SEC14L1: variants seen among roughly 807,000 people sequenced by gnomAD.
SEC14L1 encodes the protein SEC14 like lipid binding 1.
SEC14L1 carries 48 observed loss-of-function variants against 85.3 expected under a neutral mutation model. The observed-to-expected ratio is 0.56, with a 90% CI of 0.45 to 0.72. The LOEUF (loss-of-function observed/expected upper bound fraction) is 0.72. Among genes scored for constraint, SEC14L1 ranks in the 30% least tolerant of loss-of-function variants. The pLI, the probability that SEC14L1 is intolerant of heterozygous loss-of-function variation, is 0.00. For synonymous variants in SEC14L1, 391 were observed against 355.5 expected (o/e 1.10, Z -1.12); for missense variants, 682 against 921.4 (o/e 0.74, Z 3.36).
At chr17:77,135,740 T>C (rs1299452391) in intron 3 of SEC14L1, among the ~76,000 whole-genome samples, 3 of 152,114 alleles carry the variant, frequency 2.0e-5, no homozygotes, top group African/African-American at 7.2e-5. Context: ...GGGGTCTTGC[T>C]ATGTTGTCCA....
At chr17:77,140,869 C>T (rs1972971665), upstream of SEC14L1, 1 of 151,646 alleles carries the variant, frequency 6.6e-6, no homozygotes. Context: ...CCCCCGCTCC[C>T]TCGGCCGCGG....
At chr17:77,200,759 G>C in intron 9 of SEC14L1, 86 bp downstream of exon 9, 1 of 1,401,240 alleles carries the variant, frequency 7.1e-7, no homozygotes. Flanking sequence ...CCCTGGAGTT[G>C]AGTGGGGCCC....
intron 3 of SEC14L1, among the ~76,000 whole-genome samples, chr17:77,161,234 C>A (rs1974039350): frequency 6.6e-6 from 1 of 152,222 alleles, no homozygotes; most frequent in Admixed American, 6.5e-5. Context: ...CGCCTATAAT[C>A]CCAGTCCTTT....
intron 3 of SEC14L1, among the ~76,000 whole-genome samples, chr17:77,119,183 C>A (rs1458010624): frequency 1.3e-5 from 2 of 151,900 alleles, no homozygotes. Context: ...GGGCATGCGC[C>A]TCTAATCTCA....
At position 77,191,334 on chromosome 17, in the gene SEC14L1, G is replaced by A. The variant is rs201830390; in HGVS notation, c.345+22G>A. 1.9e-5 allele frequency: 30 copies of A among 1,612,598 alleles called. No homozygotes were observed. In the East Asian group the frequency reaches 5.1e-4, roughly 28 times the overall value. ...CACCGTGAGTAATCTGTCACTCGGC[G>A]GAAGATGTTCTGCCGACATATGGCT... On this transcript the variant is annotated intron_variant, in intron 5 of 16. Transcript: ENST00000436233.
At chr17:77,179,108 G>GAAT (rs1434644004) in intron 3 of SEC14L1, among the ~76,000 whole-genome samples, 1 of 152,212 alleles carries the variant, frequency 6.6e-6, no homozygotes, top group African/African-American at 2.4e-5. Flanking sequence ...GTGGGTGTAC[G>GAAT]AATGGAAGAA....
At chr17:77,121,075 C>A (rs1972284026) in intron 3 of SEC14L1, among the ~76,000 whole-genome samples, 1 of 152,102 alleles carries the variant, frequency 6.6e-6, no homozygotes, top group Non-Finnish European at 1.5e-5. Context: ...TCAGTGTGAT[C>A]CTGAGAGTTG....
chr17:77,148,133 C>T (rs540251024), intron 3 of SEC14L1, among the ~76,000 whole-genome samples: 11 of 152,250 alleles, frequency 7.2e-5, no homozygotes, highest in Admixed American at 3.9e-4. Flanking sequence ...TCTCCCCCTC[C>T]CCCTGCATGT....
chr17:77,202,928 T>TAAAAAA (rs1452299295), intron 9 of SEC14L1, among the ~76,000 whole-genome samples: 1 of 82,996 alleles, frequency 1.2e-5, no homozygotes, highest in South Asian at 4.3e-4. Flanking sequence ...CTAAAAAAAA[T>TAAAAAA]AAAAAAATAA....
chr17:77,175,321 T>C (rs774185695), intron 3 of SEC14L1, among the ~76,000 whole-genome samples: 49 of 152,306 alleles, frequency 3.2e-4, no homozygotes, highest in Non-Finnish European at 5.0e-4. Flanking sequence ...AAGGTTGGGC[T>C]CAGAACAAAG....
chr17:77,201,452 CTTTTTT>C (rs540189374), intron 9 of SEC14L1, among the ~76,000 whole-genome samples: 1 of 138,426 alleles, frequency 7.2e-6, no homozygotes, highest in Non-Finnish European at 1.6e-5. Context: ...ACAAATGTGT[CTTTTTT>C]TTTTTTTTTT....
intron 3 of SEC14L1, among the ~76,000 whole-genome samples, chr17:77,116,114 C>T (rs1972167176): frequency 6.6e-6 from 1 of 151,908 alleles, no homozygotes. Flanking sequence ...GAGATGGGGT[C>T]TCACTATGTT....
chr17:77,215,694 C>G lies in SEC14L1; in HGVS notation c.*1671C>G, dbSNP rs931141632. The G allele has an allele frequency of 1.0e-6, 1 of 995,030 alleles. No individual in the cohort carries two copies. Among genetic ancestry groups the G allele is most frequent in the South Asian group, 4.3e-5 (1 of 23,294 alleles). The allele number at this position is 995,030 out of a possible 1,614,324, so 61.6% of individuals were successfully genotyped here. A position where few individuals can be genotyped will look rare whatever the true frequency, so the allele number is the denominator to read the frequency against. ...TCGAGCTCCTCAGTGGTACCTGAAG[C>G]CTTTGCTTCCGGAAAGCGCGGTAGG... On this transcript the variant is annotated 3_prime_UTR_variant, in exon 17 of 17. Coordinates refer to ENST00000436233, the MANE Select transcript of SEC14L1 (RefSeq NM_001143998.2).
chr17:77,203,134 T>A (rs1976258484), intron 9 of SEC14L1, among the ~76,000 whole-genome samples: 1 of 152,186 alleles, frequency 6.6e-6, no homozygotes, highest in Non-Finnish European at 1.5e-5. Context: ...TTAAAAGTAC[T>A]CTGTAGTCAT....
At chr17:77,209,551 C>G (rs1309095899) in intron 14 of SEC14L1, 75 bp downstream of exon 14, 3 of 1,520,692 alleles carry the variant, frequency 2.0e-6, no homozygotes, top group Non-Finnish European at 2.7e-6. Context: ...GGCTTCCTGG[C>G]AGCCTTTCAT....
intron 3 of SEC14L1, among the ~76,000 whole-genome samples, chr17:77,179,269 G>A (rs1974900343): frequency 6.6e-6 from 1 of 152,166 alleles, no homozygotes; most frequent in Non-Finnish European, 1.5e-5. Flanking sequence ...TGTGAAGGCA[G>A]GCATTGAGAG....
At chr17:77,132,351 T>C (rs893356679) in intron 3 of SEC14L1, among the ~76,000 whole-genome samples, 4 of 151,740 alleles carry the variant, frequency 2.6e-5, no homozygotes, top group Non-Finnish European at 5.9e-5. Context: ...GCCTCCCAAG[T>C]AGCTGCGATT....
At chr17:77,131,299 C>T (rs780490715) in intron 3 of SEC14L1, among the ~76,000 whole-genome samples, 1 of 152,004 alleles carries the variant, frequency 6.6e-6, no homozygotes, top group East Asian at 1.9e-4. Flanking sequence ...GATGGAGTTT[C>T]GCTTTTGTTG....
At chr17:77,109,872 A>G (rs1461977114) in intron 3 of SEC14L1, among the ~76,000 whole-genome samples, 2 of 152,216 alleles carry the variant, frequency 1.3e-5, no homozygotes, top group Admixed American at 6.5e-5. Context: ...CATTAACTAA[A>G]TGCGTAAAAT....
Sources: allele counts gnomAD v4.1 joint callset (sites outside exome capture counted in the v4.1 genomes callset), GRCh38; gene constraint gnomAD v4.1.1; transcripts MANE v1.5; gene names NCBI Gene and HGNC (gene_info 2026-07-23, HGNC 2026-07-21).